The following MECR variants were observed in gnomAD, a reference collection of about 807,000 sequenced individuals.
MECR encodes enoyl-[acyl-carrier-protein] reductase, mitochondrial.
MECR carries 37 observed loss-of-function variants against 49.1 expected under a neutral mutation model. That is an observed-to-expected ratio of 0.75 (90% CI 0.58 to 0.99). The LOEUF is 0.99. MECR is among the 50% of genes least tolerant of loss of function. The probability of loss-of-function intolerance (pLI) is 0.00; values close to 1 mark genes in which losing one functional copy is unlikely to be tolerated. For missense variants in MECR, 470 were observed against 479.6 expected (o/e 0.98, Z 0.19); for synonymous variants, 198 against 191.1 (o/e 1.04, Z -0.30).
At chr1:29,228,740 C>T (rs1682742065) in intron 1 of MECR, 1 of 152,018 alleles carries the variant, frequency 6.6e-6, no homozygotes, top group Non-Finnish European at 1.5e-5. Flanking sequence ...CTCTGGCTCT[C>T]CAAGAGGAGG....
At chr1:29,219,798 C>A (rs377015383) in intron 1 of MECR, among the ~76,000 whole-genome samples, 1 of 152,160 alleles carries the variant, frequency 6.6e-6, no homozygotes, top group African/African-American at 2.4e-5. Context: ...ATAAAGACCA[C>A]ATAAAAACCT....
chr1:29,189,228 T>C (rs538222332), downstream of MECR, among the ~76,000 whole-genome samples: 5 of 141,598 alleles, frequency 3.5e-5, no homozygotes, highest in African/African-American at 1.5e-4. Flanking sequence ...TGAGCCACTG[T>C]GTCTGGCGAA....
chr1:29,217,049 G>C (rs554287887), intron 1 of MECR, among the ~76,000 whole-genome samples: 1 of 135,914 alleles, frequency 7.4e-6, no homozygotes, highest in South Asian at 2.4e-4. Context: ...CAGAAGAATT[G>C]CTTCAACGTG....
the MECR span, chr1:29,171,428 AAAT>A: frequency 6.8e-6 from 1 of 147,866 alleles, no homozygotes; most frequent in Non-Finnish European, 1.5e-5. Context: ...GGAATTTAAA[AAAT>A]CTTCTATTTC....
chr1:29,181,843 G>T, the MECR span: 7 of 1,081,726 alleles, frequency 6.5e-6, no homozygotes, highest in Non-Finnish European at 8.5e-6. Flanking sequence ...GGCGGCGGCG[G>T]CAACGGGCGG....
At chr1:29,230,202 G>A (rs1683088376) in intron 1 of MECR, among the ~76,000 whole-genome samples, 1 of 152,162 alleles carries the variant, frequency 6.6e-6, no homozygotes, top group Non-Finnish European at 1.5e-5. Flanking sequence ...TTGCCCTCTG[G>A]AAACAATGAT....
At chr1:29,183,235 G>T in the MECR span, among the ~76,000 whole-genome samples, 1 of 152,104 alleles carries the variant, frequency 6.6e-6, no homozygotes, top group Non-Finnish European at 1.5e-5. Flanking sequence ...AATATATTTT[G>T]AAAATCATTC....
In MECR at chr1:29,196,198, C is replaced by T. The variant is rs910580576; in HGVS notation, c.891G>A (p.Val297=). The change falls in exon 8 of 10, where the codon GTG becomes GTA. Residue 297 remains valine, a splice_region_variant and synonymous_variant. Coordinates refer to ENST00000263702, the MANE Select transcript of MECR (RefSeq NM_016011.5). ...GMAKQPVVAS[V]SLLIFKDLKL... ...ATGCCTCCCTCTGCACCCAGCTTACCACAGAGGCTACGACGGGCTGCTTGG... is the reference window on the plus strand; with the variant it reads ...ATGCCTCCCTCTGCACCCAGCTTACTACAGAGGCTACGACGGGCTGCTTGG... The T allele has an allele frequency of 1.2e-6, 2 of 1,614,210 alleles. No individual in the cohort carries two copies. Among genetic ancestry groups the T allele is most frequent in the Non-Finnish European group, 1.7e-6 (2 of 1,180,044 alleles).
intron 1 of MECR, among the ~76,000 whole-genome samples, chr1:29,229,205 A>ATTTTT (rs35185139): frequency 1.4e-5 from 2 of 143,870 alleles, no homozygotes; most frequent in Non-Finnish European, 3.0e-5. Flanking sequence ...ATCTAGCTTG[A>ATTTTT]TTTTTTTTTT....
chr1:29,187,092 C>T, the MECR span, among the ~76,000 whole-genome samples: 1 of 152,214 alleles, frequency 6.6e-6, no homozygotes, highest in Non-Finnish European at 1.5e-5. Flanking sequence ...TTTCCAGCTG[C>T]TGTGGCTTGG....
Position 29,201,849 on chromosome 1 carries a change from C to T in MECR, c.756+94G>A, listed in dbSNP as rs1417768147. On this transcript the variant is annotated intron_variant, in intron 6 of 9. Coordinates refer to ENST00000263702, the MANE Select transcript of MECR (RefSeq NM_016011.5). This position sits in a 1 kb window ranked among gnomAD's most constrained non-coding sequence, Gnocchi z 4.3. ...GCAAAGGGAGGTTTCCAGAGAGGAA[C>T]AATGGGGCCAGTCCCCAGTTTCTCT... is the stretch of plus-strand genomic sequence containing the variant. 14 of 1,104,440 alleles carry T rather than the reference C, an allele frequency of 1.3e-5. No individual in the cohort carries two copies. Among genetic ancestry groups the T allele is most frequent in the Admixed American group, 3.6e-5 (2 of 55,340 alleles). 68.4% of individuals were successfully genotyped at this position (1,104,440 alleles called of 1,614,324 possible). A position where few individuals can be genotyped will look rare whatever the true frequency, so the allele number is the denominator to read the frequency against.
chr1:29,216,493 A>C, intron 2 of MECR, 95 bp downstream of exon 2: 2 of 1,245,986 alleles, frequency 1.6e-6, no homozygotes, highest in Non-Finnish European at 2.3e-6. Context: ...GCTGCTAATC[A>C]CAGGCATTTC....
At chr1:29,178,353 C>CTTTTTTTT in the MECR span, among the ~76,000 whole-genome samples, 24 of 127,880 alleles carry the variant, frequency 1.9e-4, no homozygotes, top group East Asian at 9.3e-4. Context: ...GTTTCAATTA[C>CTTTTTTTT]TTTTTTTTTT....
chr1:29,192,576 C>G (rs1372086471), downstream of MECR, among the ~76,000 whole-genome samples: 1 of 152,160 alleles, frequency 6.6e-6, no homozygotes, highest in Non-Finnish European at 1.5e-5. Context: ...TGGGCACACA[C>G]TAGGCACTCA....
rs191592612 is a variant in MECR at position 29,207,598 on chromosome 1, T to C, written c.407-693A>G. 2.7e-4 allele frequency among the ~76,000 whole-genome samples: 41 copies of C among 150,534 alleles called. 1 individual carries two copies. The East Asian group carries it at 8.0e-3, about 29-fold the overall frequency. ...CTACAGAAAAAAAAAAAAAAAAAATTAGCTGGGCATAATGCCCTGCAGTCC... is the reference window on the plus strand; with the variant it reads ...CTACAGAAAAAAAAAAAAAAAAAATCAGCTGGGCATAATGCCCTGCAGTCC... On this transcript the variant is annotated intron_variant, in intron 3 of 9. Transcript: ENST00000263702.
chr1:29,207,561 G>A (rs1207902120), intron 3 of MECR, among the ~76,000 whole-genome samples: 1 of 149,696 alleles, frequency 6.7e-6, no homozygotes, highest in African/African-American at 2.5e-5. Flanking sequence ...GCAACATAGT[G>A]AGACCTTGTC....
intron 7 of MECR, among the ~76,000 whole-genome samples, chr1:29,197,079 A>T (rs1371689755): frequency 6.6e-6 from 1 of 152,218 alleles, no homozygotes; most frequent in African/African-American, 2.4e-5. Context: ...ACGAGAATGT[A>T]TATTAAACAC....
downstream of MECR, among the ~76,000 whole-genome samples, chr1:29,192,496 C>T (rs1332620877): frequency 1.3e-5 from 2 of 152,156 alleles, no homozygotes; most frequent in East Asian, 1.9e-4. Flanking sequence ...TTATACTATA[C>T]TGGTCAATCT....
intron 3 of MECR, 21 bp downstream of exon 3, chr1:29,215,984 C>T (rs1574438425): frequency 6.2e-7 from 1 of 1,612,868 alleles, no homozygotes; most frequent in East Asian, 2.2e-5. Context: ...GAATAGGCAG[C>T]TGACACCTGG....
Sources: gnomAD v4.1 joint callset for allele counts (sites outside exome capture counted in the v4.1 genomes callset) on GRCh38, gnomAD v4.1.1 for gene constraint, Gnocchi (gnomAD v3.1) non-coding constraint, MANE v1.5 for transcripts, NCBI Gene and HGNC (gene_info 2026-07-23, HGNC 2026-07-21) for gene names.